Variants in PI4KA observed in about 807,000 individuals in gnomAD.
PI4KA encodes the protein PI4-kinase alpha.
In PI4KA, 122 loss-of-function variants were observed where a neutral mutation model predicts 271.4. The observed-to-expected ratio is 0.45, with a 90% CI of 0.39 to 0.52. PI4KA has a LOEUF of 0.52. Ranked by LOEUF, PI4KA falls within the 20% of genes least tolerant of loss-of-function variation. The pLI is 0.00. For missense variants in PI4KA, 1,969 were observed against 2,769.1 expected, an observed-to-expected ratio of 0.71 and a Z score of 6.48; for synonymous variants, 1,041 against 1,078.8, an observed-to-expected ratio of 0.96 and a Z score of 0.69.
intron 19 of PI4KA, chr22:20,787,583 A>G (rs1934353142): frequency 5.5e-6 from 1 of 180,418 alleles, no homozygotes; most frequent in Admixed American, 5.4e-5. Context: ...TTAGGGCTTA[A>G]TTTTCTCAAA....
At chr22:20,802,142 C>T (rs765402362) in intron 13 of PI4KA, 37 bp from the exon 14 acceptor site, 2 of 1,592,022 alleles carry the variant, frequency 1.3e-6, no homozygotes, top group Admixed American at 1.7e-5. Context: ...CCTAGTTAGG[C>T]CTATCATTTT....
chr22:20,801,883 C>T, intron 14 of PI4KA, 90 bp downstream of exon 14: 4 of 1,411,242 alleles, frequency 2.8e-6, no homozygotes, highest in Non-Finnish European at 3.9e-6. Flanking sequence ...GAGACTCAAT[C>T]TCAAAAAAGA....
In PI4KA at chr22:20,799,676, G is replaced by C; in HGVS notation, c.1815C>G (p.Ser605Arg). 1 of 1,550,006 alleles carries C rather than the reference G, an allele frequency of 6.5e-7. No homozygotes were observed. The highest frequency in any genetic ancestry group is 1.2e-5 in the South Asian group (1 of 84,012). ...AGACAGGAATAGGGGCGTACTTGTC[G>C]CTCTCCTGAGAGATGTAGAGCCGGT... ...LSNRLYISQESDKDAHLIPDH... is the reference protein window; with the variant it reads ...LSNRLYISQERDKDAHLIPDH... The change falls in exon 15 of 55, where the codon AGC (serine) becomes AGG (arginine). Residue 605 changes from serine to arginine, a missense_variant. Transcript: ENST00000255882.
At chr22:20,853,773 G>A (rs12158442) in intron 1 of PI4KA, among the ~76,000 whole-genome samples, 3,876 of 152,218 alleles carry the variant, frequency 0.025, 163 homozygotes, top group African/African-American at 0.089. Context: ...CCTGAAATAT[G>A]AGAGTAGAAT....
chr22:20,794,157 C>G (rs992234680), intron 18 of PI4KA, among the ~76,000 whole-genome samples: 1 of 152,252 alleles, frequency 6.6e-6, no homozygotes, highest in Non-Finnish European at 1.5e-5. Flanking sequence ...CTGGGGGCCA[C>G]AAGGGTGGCC....
At chr22:20,835,885 A>G (rs1250387970) in intron 2 of PI4KA, among the ~76,000 whole-genome samples, 1 of 151,796 alleles carries the variant, frequency 6.6e-6, no homozygotes, top group African/African-American at 2.4e-5. Context: ...CTTCTCTACT[A>G]AAAATACAAA....
intron 52 of PI4KA, chr22:20,710,457 G>C: frequency 5.2e-6 from 3 of 575,776 alleles, no homozygotes; most frequent in Admixed American, 6.1e-5. Flanking sequence ...CCCAGAAAGG[G>C]AGAGCCCATG....
intron 1 of PI4KA, among the ~76,000 whole-genome samples, chr22:20,843,015 G>A (rs1011834899): frequency 1.3e-5 from 2 of 148,604 alleles, no homozygotes; most frequent in East Asian, 2.0e-4. Flanking sequence ...GGAGAATGGC[G>A]TGAACCCGGG....
Position 20,712,817 on chromosome 22 carries a change from A to C in PI4KA, c.5572-20T>G, listed in dbSNP as rs1163220966. Reference sequence around the variant, plus strand: ...CATGTCCTGGGAAGCCGGGAGGCGCAGGATGCGGTCAGTTGGCGTCCTTGC... The same window carrying C: ...CATGTCCTGGGAAGCCGGGAGGCGCCGGATGCGGTCAGTTGGCGTCCTTGC... On this transcript the variant is annotated intron_variant, in intron 48 of 54. Coordinates refer to ENST00000255882, the MANE Select transcript of PI4KA (RefSeq NM_058004.4). 56 of 1,550,486 alleles carry C rather than the reference A, an allele frequency of 3.6e-5. No homozygotes were observed. Among genetic ancestry groups the C allele is most frequent in the Non-Finnish European group, 4.7e-5 (54 of 1,147,254 alleles).
At chr22:20,739,664 G>T (rs1034271184) in intron 32 of PI4KA, among the ~76,000 whole-genome samples, 2 of 152,020 alleles carry the variant, frequency 1.3e-5, no homozygotes, top group Non-Finnish European at 2.9e-5. Flanking sequence ...ACCAGATAAC[G>T]ATATAAAAAT....
intron 19 of PI4KA, among the ~76,000 whole-genome samples, chr22:20,775,809 C>A (rs1933226673): frequency 6.6e-6 from 1 of 152,044 alleles, no homozygotes; most frequent in Non-Finnish European, 1.5e-5. Flanking sequence ...TTGATCTTAG[C>A]CAAAAGGCCA....
At chr22:20,850,293 T>C (rs1399629150) in intron 1 of PI4KA, among the ~76,000 whole-genome samples, 1 of 151,964 alleles carries the variant, frequency 6.6e-6, no homozygotes, top group African/African-American at 2.4e-5. Context: ...ACCAGCACTT[T>C]GGGAGGCCAA....
Position 20,734,423 on chromosome 22 carries a change from T to A in PI4KA, c.3872A>T (p.Glu1291Val). 1 of 1,605,492 alleles carries A rather than the reference T, an allele frequency of 6.2e-7. No homozygotes were observed. Among genetic ancestry groups the A allele is most frequent in the South Asian group, 1.1e-5 (1 of 90,720 alleles). ...EASQPKPCPP[E>V]VTPHYIWIDF... is the part of the protein sequence containing the mutation. ...GATCCAGATGTAGTGGGGGGTCACT[T>A]CGGGGGGACAGGGTTTGGGTTGACT... The change falls in exon 33 of 55, where the codon GAA (glutamate) becomes GTA (valine). Residue 1291 changes from glutamate (E) to valine (V), a missense_variant. By Grantham distance (121) the Glu-to-Val change is moderately radical. This residue lies in a region of PI4KA where 203 missense variants were observed against 256.8 expected (regional missense o/e 0.79). Coordinates refer to ENST00000255882, the MANE Select transcript of PI4KA (RefSeq NM_058004.4).
chr22:20,755,675 C>T (rs1931208935), intron 23 of PI4KA, among the ~76,000 whole-genome samples: 1 of 151,896 alleles, frequency 6.6e-6, no homozygotes, highest in Non-Finnish European at 1.5e-5. Context: ...GTGGTGCACA[C>T]CTGTTAATTC....
intron 27 of PI4KA, among the ~76,000 whole-genome samples, chr22:20,750,489 G>C (rs2147323953): frequency 6.6e-6 from 1 of 152,242 alleles, no homozygotes; most frequent in East Asian, 1.9e-4. Flanking sequence ...CAGCCACTAA[G>C]TTTGAACCTC....
At chr22:20,767,063 C>A (rs35351638) in intron 19 of PI4KA, among the ~76,000 whole-genome samples, 25 of 152,194 alleles carry the variant, frequency 1.6e-4, no homozygotes, top group African/African-American at 6.0e-4. Flanking sequence ...GATTTAGGCA[C>A]AAAAATGTTG....
In PI4KA at chr22:20,742,744, G is replaced by A; in HGVS notation, c.3477C>T (p.Phe1159=). 6.2e-7 allele frequency: 1 copy of A among 1,614,062 alleles called. No homozygotes were observed. The highest frequency in any genetic ancestry group is 2.2e-5 in the East Asian group (1 of 44,874). The change falls in exon 31 of 55, where the codon TTC becomes TTT. Residue 1159 remains phenylalanine (F), a synonymous_variant. Transcript: ENST00000255882. The part of the protein sequence containing the change: ...YAGEVYGMIR[F]SGTTGQMSDL... ...CAGACATCTGGCCTGTGGTGCCTGA[G>A]AACCGAATCATTCCATACACCTGCA...
At chr22:20,726,694 G>C (rs1568958748) in intron 41 of PI4KA, among the ~76,000 whole-genome samples, 153 bp from the exon 42 acceptor site, 1 of 152,270 alleles carries the variant, frequency 6.6e-6, no homozygotes, top group Non-Finnish European at 1.5e-5. Context: ...CGATGGCTCA[G>C]AACACAGGAA....
chr22:20,850,910 A>G (rs1298605053), intron 1 of PI4KA, among the ~76,000 whole-genome samples: 1 of 151,964 alleles, frequency 6.6e-6, no homozygotes, highest in African/African-American at 2.4e-5. Flanking sequence ...GCCAGGTACA[A>G]TGTGCGTGCC....
Sources: gnomAD v4.1 joint callset for allele counts (sites outside exome capture counted in the v4.1 genomes callset) on GRCh38, gnomAD v4.1.1 for gene constraint, gnomAD v4.1.1 regional missense constraint, MANE v1.5 for transcripts, NCBI Gene and HGNC (gene_info 2026-07-23, HGNC 2026-07-21) for gene names.